ZFAND4: variants seen among roughly 807,000 people sequenced by gnomAD.
ZFAND4 encodes zinc finger AN1-type containing 4.
In ZFAND4, 43 loss-of-function variants were observed where a neutral mutation model predicts 64.4. The ratio of observed to expected loss-of-function variants is 0.67; its 90% CI spans 0.52 to 0.86. The LOEUF (loss-of-function observed/expected upper bound fraction) is 0.86, where lower values mean the gene tolerates loss of function less well. ZFAND4 is among the 40% of genes least tolerant of loss of function. The probability of loss-of-function intolerance (pLI) is 0.00; values close to 1 mark genes in which losing one functional copy is unlikely to be tolerated. For synonymous variants in ZFAND4, 296 were observed against 305.7 expected (o/e 0.97, Z 0.33); for missense variants, 929 against 859.8 (o/e 1.08, Z -1.01).
rs767954437 is a variant in ZFAND4 at position 45,616,574 on chromosome 10, A to G, written c.2049-3T>C. The G allele has an allele frequency of 1.2e-6, 2 of 1,613,914 alleles. No homozygotes were observed. The highest frequency in any genetic ancestry group is 1.7e-6 in the Non-Finnish European group (2 of 1,179,916). ...ATGCACAGAAGTTGTTTCCACATCT[A>G]AAGCACAAAAAAAGTTTACGTGAAT... On this transcript the variant is annotated splice_polypyrimidine_tract_variant and splice_region_variant and intron_variant, in intron 9 of 9. Coordinates refer to ENST00000344646, the MANE Select transcript of ZFAND4 (RefSeq NM_174890.4).
intron 6 of ZFAND4, among the ~76,000 whole-genome samples, chr10:45,637,058 C>T (rs915837147): frequency 6.6e-6 from 1 of 150,678 alleles, no homozygotes; most frequent in Non-Finnish European, 1.5e-5. Context: ...AGAAAAATTT[C>T]AGCTGGGCGC....
intron 6 of ZFAND4, among the ~76,000 whole-genome samples, chr10:45,638,311 G>A (rs912202327): frequency 7.5e-5 from 11 of 147,244 alleles, no homozygotes; most frequent in East Asian, 5.9e-4. Flanking sequence ...GTGAAACCCC[G>A]TCTCTACTAA....
intron 5 of ZFAND4, among the ~76,000 whole-genome samples, chr10:45,640,823 T>G (rs1239499416): frequency 6.6e-6 from 1 of 152,120 alleles, no homozygotes; most frequent in Non-Finnish European, 1.5e-5. Context: ...AACTTCAAAT[T>G]TTTCTAAGTG....
chr10:45,623,852 T>TA (rs1292226064), intron 8 of ZFAND4, among the ~76,000 whole-genome samples: 1 of 152,194 alleles, frequency 6.6e-6, no homozygotes, highest in East Asian at 1.9e-4. Context: ...CCTTGGGCCT[T>TA]ACATAGGAAT....
intron 2 of ZFAND4, chr10:45,662,708 C>T: frequency 1.0e-6 from 1 of 962,012 alleles, no homozygotes; most frequent in Non-Finnish European, 1.2e-6. Context: ...TATTCAGGAG[C>T]TCATATATAT....
chr10:45,638,871 T>A (rs563095612), intron 6 of ZFAND4, among the ~76,000 whole-genome samples: 122 of 152,346 alleles, frequency 8.0e-4, no homozygotes, highest in Non-Finnish European at 1.5e-3. Context: ...TCCATTTATA[T>A]AAATTTCAGG....
intron 1 of ZFAND4, among the ~76,000 whole-genome samples, chr10:45,669,783 A>G (rs985718620): frequency 6.6e-6 from 1 of 152,214 alleles, no homozygotes; most frequent in Non-Finnish European, 1.5e-5. Context: ...CAAAAACCAC[A>G]TGATTATCTT....
chr10:45,656,724 T>C (rs1045269481), intron 2 of ZFAND4, among the ~76,000 whole-genome samples: 2 of 151,914 alleles, frequency 1.3e-5, no homozygotes, highest in Non-Finnish European at 2.9e-5. Context: ...AAATACCCAA[T>C]ATAATGGTAT....
intron 1 of ZFAND4, among the ~76,000 whole-genome samples, chr10:45,665,765 T>C (rs1175432820): frequency 2.0e-5 from 3 of 152,130 alleles, no homozygotes; most frequent in Admixed American, 6.5e-5. Flanking sequence ...ACCACTAATC[T>C]ACTTTCTATC....
chr10:45,640,476 T>C (rs1217638333), intron 5 of ZFAND4: 15 of 1,159,976 alleles, frequency 1.3e-5, no homozygotes, highest in Non-Finnish European at 1.6e-5. Flanking sequence ...GAACATTTTC[T>C]ATTCTTAAGG....
intron 9 of ZFAND4, among the ~76,000 whole-genome samples, chr10:45,616,866 G>A (rs761689854): frequency 4.6e-5 from 7 of 152,152 alleles, no homozygotes; most frequent in Admixed American, 1.3e-4. Flanking sequence ...AAGCCGAGGC[G>A]GGTGGATCTC....
Position 45,626,451 on chromosome 10 carries a change from C to T in ZFAND4, c.1372G>A (p.Val458Ile). Residue 458 changes from valine to isoleucine, a missense_variant, in exon 7 of 10, where the codon GTT (valine) becomes ATT (isoleucine). Val to Ile is a conservative substitution (Grantham distance 29). Transcript: ENST00000344646. ...VLNGESVETS[V>I]LNYRELSPHK... ...GGACTTAATTCCCGGTAGTTAAGAA[C>T]TGAAGTCTCTACTGATTCCCCATTC... The T allele has an allele frequency of 1.2e-6, 2 of 1,613,700 alleles. No individual in the cohort carries two copies. Among genetic ancestry groups the T allele is most frequent in the Non-Finnish European group, 1.7e-6 (2 of 1,180,032 alleles).
chr10:45,640,067 C>T, intron 5 of ZFAND4, 104 bp from the exon 6 acceptor site: 1 of 1,358,342 alleles, frequency 7.4e-7, no homozygotes, highest in South Asian at 1.6e-5. Flanking sequence ...AATGATAAAA[C>T]ACTACATCCA....
In ZFAND4 at chr10:45,624,575, T is replaced by A. The variant is rs1304085705; in HGVS notation, c.1927+8A>T. On this transcript the variant is annotated splice_region_variant and intron_variant, in intron 8 of 9. Coordinates refer to ENST00000344646, the MANE Select transcript of ZFAND4 (RefSeq NM_174890.4). ...CTTGTATTGTTTTCAAAATTATCTG[T>A]AGCTTACCTACGCTTTTCCCTGCTG... The A allele has an allele frequency of 6.2e-7, 1 of 1,613,542 alleles. No individual in the cohort carries two copies. Among genetic ancestry groups the A allele is most frequent in the South Asian group, 1.1e-5 (1 of 91,054 alleles).
In ZFAND4 at chr10:45,638,327, C is replaced by CAA. The variant is rs1332591563; in HGVS notation, c.717+1487_717+1488dup. Reference sequence around the variant, plus strand: ...TGAAACCCCGTCTCTACTAAAAATACAAAAAAAAAAAAAAAAATTAGCCCG... The same window carrying CAA: ...TGAAACCCCGTCTCTACTAAAAATACAAAAAAAAAAAAAAAAAAATTAGCCCG... On this transcript the variant is annotated intron_variant, in intron 6 of 9. Coordinates refer to ENST00000344646, the MANE Select transcript of ZFAND4 (RefSeq NM_174890.4). Among the ~76,000 whole-genome samples the CAA allele has an allele frequency of 3.1e-3, 306 of 99,004 alleles. 1 individual carries two copies. Among genetic ancestry groups the CAA allele is most frequent in the African/African-American group, 0.01 (286 of 27,654 alleles). 65.0% of individuals were successfully genotyped at this position (99,004 alleles called of 152,430 possible).
intron 8 of ZFAND4, among the ~76,000 whole-genome samples, chr10:45,623,605 A>T (rs1318072696): frequency 6.6e-6 from 1 of 152,222 alleles, no homozygotes; most frequent in Non-Finnish European, 1.5e-5. Context: ...TACCTAAAAA[A>T]TCATTGAATT....
Position 45,628,404 on chromosome 10 carries a change from GT to G in ZFAND4, c.718-1300del, listed in dbSNP as rs1187238490. ...ACAATCTCAGGCCTCCACCTCCCGG[GT>G]TCAAGCAATTCTCCTGCCTCAGCCT... On this transcript the variant is annotated intron_variant, in intron 6 of 9. Coordinates refer to ENST00000344646, the MANE Select transcript of ZFAND4 (RefSeq NM_174890.4). Among the ~76,000 whole-genome samples, 4 of 152,252 alleles carry G rather than the reference GT, an allele frequency of 2.6e-5. No individual in the cohort carries two copies. In the East Asian group the frequency reaches 7.7e-4, roughly 29 times the overall value.
At chr10:45,659,548 T>C (rs1386152817) in intron 2 of ZFAND4, among the ~76,000 whole-genome samples, 1 of 152,054 alleles carries the variant, frequency 6.6e-6, no homozygotes, top group Non-Finnish European at 1.5e-5. Context: ...TATTACCTGA[T>C]ATGTTATGTC....
At chr10:45,669,886 T>A (rs1448901803) in intron 1 of ZFAND4, among the ~76,000 whole-genome samples, 1 of 152,168 alleles carries the variant, frequency 6.6e-6, no homozygotes, top group Non-Finnish European at 1.5e-5. Flanking sequence ...TATCTCAAAA[T>A]AATAAGAGCT....
Sources: allele counts gnomAD v4.1 joint callset (sites outside exome capture counted in the v4.1 genomes callset), GRCh38; gene constraint gnomAD v4.1.1; transcripts MANE v1.5; gene names NCBI Gene and HGNC (gene_info 2026-07-23, HGNC 2026-07-21).